The following ZNF407 variants were observed in gnomAD, a reference collection of about 807,000 sequenced individuals.
ZNF407 encodes the protein zinc finger protein 407.
Under a neutral mutation model 131.2 loss-of-function variants are expected in ZNF407, and 17 were observed. The observed-to-expected ratio is 0.13, with a 90% CI of 0.09 to 0.19. The LOEUF is 0.19. Ranked by LOEUF, ZNF407 falls within the 10% of genes least tolerant of loss-of-function variation. ZNF407 has a pLI of 1.00. For synonymous variants in ZNF407, 1,156 were observed against 1,062.0 expected (o/e 1.09, Z -1.72); for missense variants, 2,681 against 2,830.6 (o/e 0.95, Z 1.20).
chr18:74,725,175 G>A (rs1221266020), intron 3 of ZNF407, among the ~76,000 whole-genome samples: 1 of 151,212 alleles, frequency 6.6e-6, no homozygotes, highest in Non-Finnish European at 1.5e-5. Flanking sequence ...TCACTCCTTC[G>A]CCCAGGCTGG....
At chr18:74,844,468 G>A (rs574049214) in intron 4 of ZNF407, among the ~76,000 whole-genome samples, 2 of 152,254 alleles carry the variant, frequency 1.3e-5, no homozygotes, top group South Asian at 2.1e-4. Flanking sequence ...AATGACTAAA[G>A]TAGTTTGAAT....
chr18:74,785,552 A>G (rs1229359569), intron 4 of ZNF407, among the ~76,000 whole-genome samples: 3 of 152,144 alleles, frequency 2.0e-5, no homozygotes, highest in Non-Finnish European at 2.9e-5. Flanking sequence ...AGGACATGGC[A>G]TTGTATGGGT....
intron 3 of ZNF407, among the ~76,000 whole-genome samples, chr18:74,702,412 AAT>A (rs1056660211): frequency 4.6e-5 from 7 of 152,174 alleles, no homozygotes; most frequent in African/African-American, 1.7e-4. Context: ...AAGTGAGATA[AAT>A]ATATATGATT....
At chr18:74,928,104 T>C (rs1194431314) in intron 8 of ZNF407, among the ~76,000 whole-genome samples, 2 of 152,056 alleles carry the variant, frequency 1.3e-5, no homozygotes, top group African/African-American at 2.4e-5. Context: ...CCCAAGGTGG[T>C]TGAGTTATAG....
At chr18:74,721,397 C>A (rs1342290191) in intron 3 of ZNF407, among the ~76,000 whole-genome samples, 1 of 151,868 alleles carries the variant, frequency 6.6e-6, no homozygotes, top group Non-Finnish European at 1.5e-5. Flanking sequence ...AGGCAGGCAA[C>A]TAGGCAAGAG....
At chr18:75,029,739 G>T (rs1973217578) in intron 8 of ZNF407, among the ~76,000 whole-genome samples, 1 of 152,180 alleles carries the variant, frequency 6.6e-6, no homozygotes, top group Non-Finnish European at 1.5e-5. Context: ...TGGTTTCTGT[G>T]GTTTGCTGCA....
At chr18:74,773,023 A>G (rs1969393621) in intron 3 of ZNF407, among the ~76,000 whole-genome samples, 2 of 152,206 alleles carry the variant, frequency 1.3e-5, no homozygotes, top group African/African-American at 4.8e-5. Context: ...TCATGACTGA[A>G]TGTTGGACGT....
At chr18:75,037,249 C>T (rs1375037549) in intron 8 of ZNF407, among the ~76,000 whole-genome samples, 1 of 152,116 alleles carries the variant, frequency 6.6e-6, no homozygotes, top group African/African-American at 2.4e-5. Context: ...TAAATATTGT[C>T]AAGATGATCT....
At chr18:74,642,621 A>T (rs1304899094) in intron 3 of ZNF407, among the ~76,000 whole-genome samples, 1 of 152,196 alleles carries the variant, frequency 6.6e-6, no homozygotes, top group Non-Finnish European at 1.5e-5. Context: ...TATCAAAAAG[A>T]ATACACAATT....
chr18:74,625,636 A>G (rs1599021120), intron 1 of ZNF407, among the ~76,000 whole-genome samples: 2 of 152,364 alleles, frequency 1.3e-5, no homozygotes, highest in Middle Eastern at 3.4e-3. Context: ...AAAAGTTGAT[A>G]GAATAGTATA....
intron 3 of ZNF407, among the ~76,000 whole-genome samples, chr18:74,696,204 G>C (rs1421429658): frequency 6.6e-6 from 1 of 152,210 alleles, no homozygotes; most frequent in South Asian, 2.1e-4. Flanking sequence ...GATGAGAATA[G>C]AGCCCTTGAC....
At chr18:74,785,764 G>A (rs1969692122) in intron 4 of ZNF407, among the ~76,000 whole-genome samples, 1 of 145,506 alleles carries the variant, frequency 6.9e-6, no homozygotes, top group African/African-American at 2.6e-5. Context: ...GCATGCAGAT[G>A]TCACTCACAT....
intron 1 of ZNF407, among the ~76,000 whole-genome samples, chr18:74,618,592 A>G (rs1983406815): frequency 6.6e-6 from 1 of 152,200 alleles, no homozygotes; most frequent in Non-Finnish European, 1.5e-5. Flanking sequence ...TTTTTAAAAA[A>G]CAAAAAATGA....
chr18:74,602,569 A>C lies in ZNF407; in HGVS notation c.-54+4632A>C, dbSNP rs184866330. On this transcript the variant is annotated intron_variant, in intron 1 of 8. Transcript: ENST00000299687. ...AACACTGTGCCAGGTGCCTCTGTAC[A>C]TAATCTCATTTAATTCCCCCAAATC... 3.9e-3 allele frequency among the ~76,000 whole-genome samples: 588 copies of C among 152,292 alleles called. 3 individuals carry two copies. Among genetic ancestry groups the C allele is most frequent in the African/African-American group, 0.013 (561 of 41,566 alleles).
chr18:74,882,240 AT>A (rs1971248900), intron 6 of ZNF407, among the ~76,000 whole-genome samples: 1 of 152,204 alleles, frequency 6.6e-6, no homozygotes, highest in Non-Finnish European at 1.5e-5. Flanking sequence ...CATAATACTA[AT>A]TTATGTGTGC....
intron 8 of ZNF407, among the ~76,000 whole-genome samples, chr18:74,990,033 T>G (rs1972700319): frequency 6.6e-6 from 1 of 152,148 alleles, no homozygotes; most frequent in African/African-American, 2.4e-5. Context: ...GCCTAAAATT[T>G]TTAAACATCA....
At chr18:74,718,032 A>G (rs370808019) in intron 3 of ZNF407, among the ~76,000 whole-genome samples, 3 of 151,942 alleles carry the variant, frequency 2.0e-5, no homozygotes, top group East Asian at 1.9e-4. Context: ...CATTCATTCA[A>G]TTTTTTTTAA....
chr18:74,684,124 T>A (rs886905444), intron 3 of ZNF407, among the ~76,000 whole-genome samples: 9 of 152,164 alleles, frequency 5.9e-5, no homozygotes, highest in African/African-American at 2.2e-4. Flanking sequence ...TTATAAAAGA[T>A]GCTAAATAAT....
At chr18:74,648,571 G>A (rs1055735391) in intron 3 of ZNF407, among the ~76,000 whole-genome samples, 3 of 152,148 alleles carry the variant, frequency 2.0e-5, no homozygotes, top group African/African-American at 7.2e-5. Context: ...CAAGGGGCAT[G>A]GGAATTGGTC....
Sources: gnomAD v4.1 joint callset for allele counts (sites outside exome capture counted in the v4.1 genomes callset) on GRCh38, gnomAD v4.1.1 for gene constraint, MANE v1.5 for transcripts, NCBI Gene and HGNC (gene_info 2026-07-23, HGNC 2026-07-21) for gene names.